The following RPA3 variants were observed in gnomAD, a reference collection of about 807,000 sequenced individuals.
RPA3 encodes the protein replication protein A 14 kDa subunit.
RPA3 carries 24 observed loss-of-function variants against 13.7 expected under a neutral mutation model. The ratio of observed to expected loss-of-function variants is 1.75; its 90% CI spans 1.27 to 2.46. The LOEUF is 2.46. Ranked by LOEUF, RPA3 falls within the 30% of genes most tolerant of loss-of-function variation. The pLI is 0.00. For missense variants in RPA3, 183 were observed against 151.0 expected, an observed-to-expected ratio of 1.21 and a Z score of -1.11; for synonymous variants, 59 against 51.2, an observed-to-expected ratio of 1.15 and a Z score of -0.65.
At chr7:7,677,631 C>A (rs1779776300) in intron 4 of RPA3, among the ~76,000 whole-genome samples, 1 of 151,048 alleles carries the variant, frequency 6.6e-6, no homozygotes, top group Admixed American at 6.6e-5. Flanking sequence ...TGTATATGTA[C>A]CACATTTTCT....
Position 7,701,382 on chromosome 7 carries a change from TACAG to T in RPA3, c.-1028+13789_-1028+13792del, listed in dbSNP as rs371901277. Among the ~76,000 whole-genome samples the T allele has an allele frequency of 4.5e-3, 686 of 151,546 alleles. 7 individuals are homozygous for T. Among genetic ancestry groups the T allele is most frequent in the African/African-American group, 0.016 (660 of 40,826 alleles). ...TTTGCTAGAAGAAAACAAAGCACAC[TACAG>T]ACAATCTATGTGACATTTTATATAT... On this transcript the variant is annotated intron_variant, in intron 2 of 7. Coordinates refer to ENST00000223129, the MANE Select transcript of RPA3 (RefSeq NM_002947.5).
intron 4 of RPA3, among the ~76,000 whole-genome samples, chr7:7,649,449 C>T (rs1016850206): frequency 5.3e-5 from 8 of 152,098 alleles, no homozygotes; most frequent in African/African-American, 1.9e-4. Context: ...TTTATAGGTC[C>T]CAGCTCTCAA....
intron 4 of RPA3, among the ~76,000 whole-genome samples, chr7:7,670,675 G>T (rs977851017): frequency 6.6e-6 from 1 of 152,162 alleles, no homozygotes; most frequent in African/African-American, 2.4e-5. Context: ...ATCATGTTCA[G>T]ATGTGGTACT....
At chr7:7,654,562 T>A (rs939291629) in intron 4 of RPA3, among the ~76,000 whole-genome samples, 7 of 152,218 alleles carry the variant, frequency 4.6e-5, no homozygotes, top group Admixed American at 3.9e-4. Context: ...CCCATATGCT[T>A]TATCCCTAAA....
intron 4 of RPA3, among the ~76,000 whole-genome samples, chr7:7,654,902 C>CAAA (rs71010994): frequency 2.9e-5 from 4 of 139,416 alleles, no homozygotes; most frequent in Admixed American, 7.1e-5. Flanking sequence ...GACTCTGTCT[C>CAAA]AAAAAAAAAA....
In RPA3 at chr7:7,640,456, G is replaced by A. The variant is rs757613659; in HGVS notation, c.-38C>T. The A allele has an allele frequency of 2.5e-6, 4 of 1,594,580 alleles. No individual in the cohort carries two copies. Among genetic ancestry groups the A allele is most frequent in the Non-Finnish European group, 3.4e-6 (4 of 1,164,588 alleles). On this transcript the variant is annotated 5_prime_UTR_variant, in exon 5 of 8. Transcript: ENST00000223129. ...AGACTGCGGCTGGCGGGAAACCCACGGACGACTGAAACTGTGCGCCCCGCG... is the reference window on the plus strand; with the variant it reads ...AGACTGCGGCTGGCGGGAAACCCACAGACGACTGAAACTGTGCGCCCCGCG...
chr7:7,718,532 A>C lies in RPA3; in HGVS notation c.-1097T>G, dbSNP rs984457330. On this transcript the variant is annotated 5_prime_UTR_variant, in exon 1 of 8. Transcript: ENST00000223129. ...ATACTTACAAAATTAAGACGATTGT[A>C]AATGTGTGTTGTCCTCCTTCTCATT... is the stretch of plus-strand genomic sequence containing the variant. The C allele has an allele frequency of 3.9e-5, 6 of 152,244 alleles. No homozygotes were observed. The highest frequency in any genetic ancestry group is 1.3e-4 in the Admixed American group (2 of 15,290). 9.4% of individuals were successfully genotyped at this position (152,244 alleles called of 1,614,324 possible). A position where few individuals can be genotyped will look rare whatever the true frequency, so the allele number is the denominator to read the frequency against.
At chr7:7,714,894 A>T (rs1780858133) in intron 2 of RPA3, among the ~76,000 whole-genome samples, 1 of 145,754 alleles carries the variant, frequency 6.9e-6, no homozygotes, top group African/African-American at 2.5e-5. Flanking sequence ...ACACTTGCAG[A>T]CCTGTTGTAC....
chr7:7,667,867 T>G (rs1043197504), intron 4 of RPA3, among the ~76,000 whole-genome samples: 1 of 152,224 alleles, frequency 6.6e-6, no homozygotes, highest in Non-Finnish European at 1.5e-5. Flanking sequence ...GGTTTAAGAT[T>G]GTGCTCTACT....
At chr7:7,690,627 T>C (rs1780151326) in intron 2 of RPA3, among the ~76,000 whole-genome samples, 1 of 152,170 alleles carries the variant, frequency 6.6e-6, no homozygotes, top group Non-Finnish European at 1.5e-5. Flanking sequence ...CAGCCACATA[T>C]GTAAATATTT....
intron 4 of RPA3, among the ~76,000 whole-genome samples, chr7:7,666,274 C>T (rs1238173094): frequency 1.3e-5 from 2 of 151,768 alleles, no homozygotes; most frequent in African/African-American, 4.8e-5. Context: ...CATGATCTTG[C>T]CTCATTGCAT....
At chr7:7,678,216 G>A (rs1779796683) in intron 4 of RPA3, among the ~76,000 whole-genome samples, 1 of 151,134 alleles carries the variant, frequency 6.6e-6, no homozygotes, top group South Asian at 2.1e-4. Context: ...CAGGGTATGA[G>A]GTCCCTTTTC....
At chr7:7,699,224 G>A (rs751913021) in intron 2 of RPA3, among the ~76,000 whole-genome samples, 4 of 152,062 alleles carry the variant, frequency 2.6e-5, no homozygotes, top group Admixed American at 2.6e-4. Context: ...TTCTGAGAAT[G>A]CATTTGTGTT....
At chr7:7,648,294 C>T (rs1032251771) in intron 4 of RPA3, among the ~76,000 whole-genome samples, 5 of 151,680 alleles carry the variant, frequency 3.3e-5, no homozygotes, top group Admixed American at 1.3e-4. Context: ...AAGTTTTCTC[C>T]GCTTAAGTTT....
intron 4 of RPA3, among the ~76,000 whole-genome samples, chr7:7,685,314 C>CT (rs34968724): frequency 0.62 from 89,361 of 143,708 alleles, 27,971 homozygotes; most frequent in East Asian, 0.86. Context: ...ACACATTGAT[C>CT]TTTTTTTTTT....
At chr7:7,709,967 T>C (rs1448975921) in intron 2 of RPA3, among the ~76,000 whole-genome samples, 1 of 152,144 alleles carries the variant, frequency 6.6e-6, no homozygotes, top group African/African-American at 2.4e-5. Flanking sequence ...TCTTTTTAAA[T>C]AGTGTTAACA....
At chr7:7,666,488 G>C (rs1002329145) in intron 4 of RPA3, among the ~76,000 whole-genome samples, 1 of 152,042 alleles carries the variant, frequency 6.6e-6, no homozygotes, top group African/African-American at 2.4e-5. Flanking sequence ...AATTACAGAT[G>C]TGAGCCCCTG....
chr7:7,714,054 G>C (rs780927458), intron 2 of RPA3, among the ~76,000 whole-genome samples: 1 of 152,180 alleles, frequency 6.6e-6, no homozygotes, highest in Non-Finnish European at 1.5e-5. Context: ...AATGTTTTAA[G>C]ATTTCCAAAA....
chr7:7,700,739 T>C (rs182908392), intron 2 of RPA3, among the ~76,000 whole-genome samples: 1 of 152,188 alleles, frequency 6.6e-6, no homozygotes, highest in African/African-American at 2.4e-5. Context: ...AATATAAAAA[T>C]TAGCCAGGCA....
Sources: allele counts gnomAD v4.1 joint callset (sites outside exome capture counted in the v4.1 genomes callset), GRCh38; gene constraint gnomAD v4.1.1; transcripts MANE v1.5; gene names NCBI Gene and HGNC (gene_info 2026-07-23, HGNC 2026-07-21).